The following SPEN variants were observed in gnomAD, a reference collection of about 807,000 sequenced individuals.
SPEN encodes the protein spen family transcriptional repressor.
A neutral mutation model predicts 269.9 loss-of-function variants in SPEN; 18 were observed. The ratio of observed to expected loss-of-function variants is 0.07; its 90% CI spans 0.05 to 0.10. SPEN has a LOEUF of 0.10. SPEN is among the 10% of genes least tolerant of loss of function. The pLI is 1.00. For missense variants in SPEN, 3,822 were observed against 4,631.2 expected, an observed-to-expected ratio of 0.83 and a Z score of 5.07; for synonymous variants, 1,726 against 1,765.7, an observed-to-expected ratio of 0.98 and a Z score of 0.56.
In SPEN at chr1:15,930,309, A is replaced by T. The variant is rs1040577702; in HGVS notation, c.4069A>T (p.Asn1357Tyr). The change falls in exon 11 of 15, where the codon AAC becomes TAC. Residue 1357 changes from asparagine to tyrosine, a missense_variant. Asn to Tyr is a moderately radical substitution (Grantham distance 143). Transcript: ENST00000375759. This position sits in a 1 kb window ranked among gnomAD's most constrained non-coding sequence, Gnocchi z 5.3. Reference sequence around the variant, plus strand: ...TGGCAGATTTGATGTGAGTTTCCCAAACAGCATAATTAAGAGAGATAGCCT... The same window carrying T: ...TGGCAGATTTGATGTGAGTTTCCCATACAGCATAATTAAGAGAGATAGCCT... ...DAGRFDVSFP[N>Y]SIIKRDSLRK... 6.2e-7 allele frequency: 1 copy of T among 1,614,184 alleles called. No homozygotes were observed. The highest frequency in any genetic ancestry group is 1.6e-4 in the Middle Eastern group (1 of 6,062).
Position 15,934,295 on chromosome 1 carries a change from C to A in SPEN, c.8055C>A (p.Thr2685=). Residue 2685 remains threonine (T), a synonymous_variant, in exon 11 of 15, where the codon ACC becomes ACA. Transcript: ENST00000375759. This position sits in a 1 kb window ranked among gnomAD's most constrained non-coding sequence, Gnocchi z 9.2. ...CCACACTGAAAAGTTTGGTGAGCACCCCTGCTGGGCCCGTGAACGTCCTGA... is the reference window on the plus strand; with the variant it reads ...CCACACTGAAAAGTTTGGTGAGCACACCTGCTGGGCCCGTGAACGTCCTGA... ...SVTTLKSLVS[T]PAGPVNVLKG... is the part of the protein sequence containing the mutation. 1 of 1,614,128 alleles carries A rather than the reference C, an allele frequency of 6.2e-7. No individual in the cohort carries two copies. Among genetic ancestry groups the A allele is most frequent in the Non-Finnish European group, 8.5e-7 (1 of 1,180,042 alleles).
At chr1:15,890,490 A>G (rs796730265) in intron 3 of SPEN, among the ~76,000 whole-genome samples, 15 of 150,832 alleles carry the variant, frequency 9.9e-5, no homozygotes, top group African/African-American at 3.7e-4. Flanking sequence ...CCGACCTCCC[A>G]AAGTGCTGGG....
Position 15,935,154 on chromosome 1 carries a change from G to C in SPEN, c.8914G>C (p.Val2972Leu), listed in dbSNP as rs2071261560. The C allele has an allele frequency of 6.2e-7, 1 of 1,613,844 alleles. No homozygotes were observed. The highest frequency in any genetic ancestry group is 1.7e-5 in the Admixed American group (1 of 60,000). Residue 2972 changes from valine (V) to leucine (L), a missense_variant, in exon 11 of 15, where the codon GTC becomes CTC. Physicochemically the swap from Val to Leu is conservative, Grantham distance 32. Transcript: ENST00000375759. This position sits in a 1 kb window ranked among gnomAD's most constrained non-coding sequence, Gnocchi z 7.7. Reference sequence around the variant, plus strand: ...CGTCACCCTTAAAATCGAGACCAAGGTCCTTCAGCCGGCCAACCTGGGGTC... The same window carrying C: ...CGTCACCCTTAAAATCGAGACCAAGCTCCTTCAGCCGGCCAACCTGGGGTC... ...DPVTLKIETK[V>L]LQPANLGSTL...
chr1:15,897,961 A>G (rs533960815), intron 3 of SPEN, among the ~76,000 whole-genome samples: 16 of 152,232 alleles, frequency 1.1e-4, no homozygotes, highest in Middle Eastern at 3.4e-3. Context: ...TAATAGTTGC[A>G]CAGTCACCAG....
rs969898818 is a variant in SPEN at position 15,932,860 on chromosome 1, C to T, written c.6620C>T (p.Ala2207Val). 6.2e-6 allele frequency: 10 copies of T among 1,614,230 alleles called. No individual in the cohort carries two copies. Among genetic ancestry groups the T allele is most frequent in the Non-Finnish European group, 8.5e-6 (10 of 1,180,042 alleles). Reference protein sequence around the residue: ...GLAPEDRDKPAHQASETELAA... With the variant: ...GLAPEDRDKPVHQASETELAA... ...GCCCCAGAGGACAGGGACAAGCCTG[C>T]ACACCAAGCAAGTGAAACAGAGCTG... The change falls in exon 11 of 15, where the codon GCA becomes GTA. Residue 2207 changes from alanine to valine, a missense_variant. Coordinates refer to ENST00000375759, the MANE Select transcript of SPEN (RefSeq NM_015001.3). This position sits in a 1 kb window ranked among gnomAD's most constrained non-coding sequence, Gnocchi z 4.2.
intron 3 of SPEN, among the ~76,000 whole-genome samples, chr1:15,899,629 C>G (rs1001060213): frequency 6.7e-6 from 1 of 148,884 alleles, no homozygotes; most frequent in South Asian, 2.1e-4. Flanking sequence ...GCCTCAGGCT[C>G]CCAAGTAGTG....
At chr1:15,849,679 G>C (rs772457576) in intron 1 of SPEN, among the ~76,000 whole-genome samples, 1 of 152,118 alleles carries the variant, frequency 6.6e-6, no homozygotes, top group Non-Finnish European at 1.5e-5. Context: ...GGGAGACCAC[G>C]GGCTGGATTG....
chr1:15,939,612 C>T lies in SPEN; in HGVS notation c.*185C>T, dbSNP rs1404050223. ...CTTCCTCTAGGAGTGGTGCTGCTAC[C>T]TTGTATGTTTACATAATGCTTTAGC... On this transcript the variant is annotated 3_prime_UTR_variant, in exon 15 of 15. Coordinates refer to ENST00000375759, the MANE Select transcript of SPEN (RefSeq NM_015001.3). The surrounding 1 kb of genome is among the most constrained non-coding windows in gnomAD (Gnocchi z 4.1). The T allele has an allele frequency of 1.7e-6, 1 of 596,854 alleles. No individual in the cohort carries two copies. Among genetic ancestry groups the T allele is most frequent in the Non-Finnish European group, 2.7e-6 (1 of 374,406 alleles). The allele number at this position is 596,854 out of a possible 1,614,324, so 37.0% of individuals were successfully genotyped here. A position where few individuals can be genotyped will look rare whatever the true frequency, so the allele number is the denominator to read the frequency against.
In SPEN at chr1:15,931,786, G is replaced by C; in HGVS notation, c.5546G>C (p.Arg1849Pro). 1 of 1,614,152 alleles carries C rather than the reference G, an allele frequency of 6.2e-7. No individual in the cohort carries two copies. The highest frequency in any genetic ancestry group is 8.5e-7 in the Non-Finnish European group (1 of 1,180,012). The part of the protein sequence containing the change: ...PVTRKSERID[R>P]EKLKRSNSPR... Reference sequence around the variant, plus strand: ...ACAAGGAAGAGTGAGAGGATAGACCGGGAAAAACTCAAGCGGTCCAATTCT... The same window carrying C: ...ACAAGGAAGAGTGAGAGGATAGACCCGGAAAAACTCAAGCGGTCCAATTCT... The change falls in exon 11 of 15, where the codon CGG (arginine) becomes CCG (proline). Residue 1849 changes from arginine (R) to proline (P), a missense_variant. By Grantham distance (103) the Arg-to-Pro change is moderately radical. This residue lies in a region of SPEN where 533 missense variants were observed against 618.8 expected (regional missense o/e 0.86). Coordinates refer to ENST00000375759, the MANE Select transcript of SPEN (RefSeq NM_015001.3). This position sits in a 1 kb window ranked among gnomAD's most constrained non-coding sequence, Gnocchi z 4.8.
intron 5 of SPEN, among the ~76,000 whole-genome samples, chr1:15,911,891 G>A (rs183381325): frequency 3.9e-5 from 6 of 152,356 alleles, no homozygotes; most frequent in Admixed American, 6.5e-5. Context: ...AACCCGGGAG[G>A]TCAAGGTTGT....
Position 15,933,645 on chromosome 1 carries a change from A to G in SPEN, c.7405A>G (p.Ile2469Val), listed in dbSNP as rs201310844. ...VTPPSDPSIP[I>V]PTLPSVTAAK... ...CCCACCCAGCGATCCAAGCATCCCCATACCCACACTGCCTTCTGTAACTGC... is the reference window on the plus strand; with the variant it reads ...CCCACCCAGCGATCCAAGCATCCCCGTACCCACACTGCCTTCTGTAACTGC... The change falls in exon 11 of 15, where the codon ATA becomes GTA. Residue 2469 changes from isoleucine to valine, a missense_variant. By Grantham distance (29) the Ile-to-Val change is conservative. Coordinates refer to ENST00000375759, the MANE Select transcript of SPEN (RefSeq NM_015001.3). The surrounding 1 kb of genome is among the most constrained non-coding windows in gnomAD (Gnocchi z 5.7). The G allele has an allele frequency of 3.4e-4, 542 of 1,614,056 alleles. 4 individuals carry two copies. Among genetic ancestry groups the G allele is most frequent in the Middle Eastern group, 6.6e-4 (4 of 6,062 alleles).
intron 1 of SPEN, among the ~76,000 whole-genome samples, chr1:15,854,957 A>G (rs2070370913): frequency 6.6e-6 from 1 of 152,206 alleles, no homozygotes; most frequent in Admixed American, 6.5e-5. Context: ...AAAAAACCAT[A>G]GTGGAATGGC....
chr1:15,929,812 A>C lies in SPEN; in HGVS notation c.3572A>C (p.Lys1191Thr), dbSNP rs915775925. The C allele has an allele frequency of 1.9e-6, 3 of 1,614,190 alleles. No homozygotes were observed. Among genetic ancestry groups the C allele is most frequent in the Admixed American group, 3.3e-5 (2 of 60,024 alleles). The change falls in exon 11 of 15, where the codon AAG becomes ACG. Residue 1191 changes from lysine to threonine, a missense_variant. Around this residue, in one of 16 missense-constraint regions of SPEN, gnomAD observed 46 missense variants for 94.0 expected, o/e 0.49. Transcript: ENST00000375759. This position sits in a 1 kb window ranked among gnomAD's most constrained non-coding sequence, Gnocchi z 5.8. ...GAAATGGAAATAGCCAAGTCTGAGA[A>C]GTTTGGCAGTCCTAAAAAAGATGTA... ...QMEMEIAKSEKFGSPKKDVDE... is the reference protein window; with the variant it reads ...QMEMEIAKSETFGSPKKDVDE...
At chr1:15,926,731 C>T (rs1219458622) in intron 10 of SPEN, among the ~76,000 whole-genome samples, 10 of 146,198 alleles carry the variant, frequency 6.8e-5, no homozygotes, top group East Asian at 4.0e-4. Context: ...CTCGCTGTGT[C>T]GCCCAAGCTG....
intron 1 of SPEN, among the ~76,000 whole-genome samples, chr1:15,855,926 G>A (rs1417526378): frequency 6.7e-6 from 1 of 150,238 alleles, no homozygotes; most frequent in Non-Finnish European, 1.5e-5. Context: ...TTATTTAAAA[G>A]TGTCCTTGGA....
At position 15,916,262 on chromosome 1, in the gene SPEN, C is replaced by G. The variant is rs749176332; in HGVS notation, c.1378C>G (p.Arg460Gly). Residue 460 changes from arginine (R) to glycine (G), a missense_variant, in exon 6 of 15, where the codon CGC becomes GGC. Arg to Gly is a moderately radical substitution (Grantham distance 125). Around this residue, in one of 16 missense-constraint regions of SPEN, gnomAD observed 230 missense variants for 426.1 expected, o/e 0.54. Coordinates refer to ENST00000375759, the MANE Select transcript of SPEN (RefSeq NM_015001.3). ...TYHDLRNIFQ[R>G]FGEIVDIDIK... ...CCATGACCTTCGCAACATCTTCCAG[C>G]GCTTTGGAGAAATTGTGGTATGTTG... 6.2e-7 allele frequency: 1 copy of G among 1,610,850 alleles called. No homozygotes were observed. Among genetic ancestry groups the G allele is most frequent in the Non-Finnish European group, 8.5e-7 (1 of 1,179,206 alleles).
chr1:15,911,392 G>A (rs2071010939), intron 5 of SPEN, 91 bp downstream of exon 5: 1 of 981,234 alleles, frequency 1.0e-6, no homozygotes, highest in Non-Finnish European at 1.6e-6. Flanking sequence ...TCCTGAATGA[G>A]GACACTATTC....
At chr1:15,936,356 A>G (rs1186917164) in intron 11 of SPEN, 90 bp downstream of exon 11, 13 of 1,437,652 alleles carry the variant, frequency 9.0e-6, no homozygotes, top group East Asian at 2.5e-5. Flanking sequence ...GAAAGAAATC[A>G]GGGGCCAGGT....
chr1:15,879,739 C>T (rs180781256), intron 3 of SPEN, among the ~76,000 whole-genome samples: 60 of 151,408 alleles, frequency 4.0e-4, no homozygotes, highest in Admixed American at 5.9e-4. Context: ...GGCACGATCT[C>T]GGCTCACTGC....
Sources: allele counts gnomAD v4.1 joint callset (sites outside exome capture counted in the v4.1 genomes callset), GRCh38; gene constraint gnomAD v4.1.1; regional missense constraint gnomAD v4.1.1; non-coding constraint Gnocchi (gnomAD v3.1); transcripts MANE v1.5; gene names NCBI Gene and HGNC (gene_info 2026-07-23, HGNC 2026-07-21).